CFAP47: variants seen among roughly 807,000 people sequenced by gnomAD.
CFAP47 encodes cilia and flagella associated protein 47, also known as cilia- and flagella-associated protein 47.
A neutral mutation model predicts 148.1 loss-of-function variants in CFAP47; 29 were observed. The ratio of observed to expected loss-of-function variants is 0.20; its 90% CI spans 0.15 to 0.27. CFAP47 has a LOEUF of 0.27. CFAP47 is among the 10% of genes least tolerant of loss of function. The pLI, the probability that CFAP47 is intolerant of heterozygous loss-of-function variation, is 1.00. For synonymous variants in CFAP47, 664 were observed against 577.3 expected (o/e 1.15, Z -2.15); for missense variants, 1,872 against 1,697.5 (o/e 1.10, Z -1.81).
chrX:36,027,151 TG>T, intron 22 of CFAP47, among the ~76,000 whole-genome samples: 2 of 99,166 alleles, frequency 2.0e-5, no homozygotes, highest in African/African-American at 7.6e-5. Flanking sequence ...ATTATATATA[TG>T]ATTATATATA....
chrX:35,975,632 CTA>C (rs1936558324), intron 14 of CFAP47, 38 bp from the exon 15 acceptor site: 3 of 1,188,524 alleles, frequency 2.5e-6, no homozygotes, highest in Non-Finnish European at 2.3e-6. Flanking sequence ...TCACAAATAA[CTA>C]TTATCAGTTA....
Position 36,310,026 on chromosome X carries a change from CTT to C in CFAP47, c.8188-803_8188-802del, listed in dbSNP as rs1475821158. Among the ~76,000 whole-genome samples, 3 of 110,531 alleles carry C rather than the reference CTT, an allele frequency of 2.7e-5. No individual in the cohort carries two copies. The Admixed American group carries it at 2.9e-4, about 11-fold the overall frequency. On this transcript the variant is annotated intron_variant, in intron 55 of 63. Transcript: ENST00000378653. Reference sequence around the variant, plus strand: ...AAGTAATCTTCAAGCAAGTTTCCCTCTTTTTATCAGAATTTAAGCTTGGAAAC... The same window carrying C: ...AAGTAATCTTCAAGCAAGTTTCCCTCTTTATCAGAATTTAAGCTTGGAAAC...
chrX:35,923,772 A>G (rs900612714), intron 1 of CFAP47, among the ~76,000 whole-genome samples: 1 of 107,242 alleles, frequency 9.3e-6, no homozygotes, highest in Non-Finnish European at 1.9e-5. Context: ...GTGAGCTGAG[A>G]TTGCACCACT....
Position 36,040,451 on chromosome X carries a change from CATTT to C in CFAP47, c.4007+1274_4007+1277del, listed in dbSNP as rs757298884. On this transcript the variant is annotated intron_variant, in intron 25 of 63. Transcript: ENST00000378653. ...AACAATATTTGTAACAAGCTTCATT[CATTT>C]AACATGTATAAATTGCACGTTACAA... Among the ~76,000 whole-genome samples the C allele has an allele frequency of 1.2e-4, 13 of 111,628 alleles. No homozygotes were observed. The South Asian group carries it at 4.4e-3, about 38-fold the overall frequency.
chrX:36,330,030 TATC>T (rs1256228894), intron 57 of CFAP47, among the ~76,000 whole-genome samples: 44 of 112,437 alleles, frequency 3.9e-4, no homozygotes, highest in Admixed American at 9.4e-5. Context: ...TGGATAAATC[TATC>T]ATAATATCTT....
rs974547053 is a variant in CFAP47 at position 36,190,155 on chromosome X, A to G, written c.6280A>G (p.Met2094Val). 1 of 296,640 alleles carries G rather than the reference A, an allele frequency of 3.4e-6. No homozygotes were observed. Among genetic ancestry groups the G allele is most frequent in the Non-Finnish European group, 5.9e-6 (1 of 170,031 alleles). 24.4% of individuals were successfully genotyped at this position (296,640 alleles called of 1,213,427 possible). A position where few individuals can be genotyped will look rare whatever the true frequency, so the allele number is the denominator to read the frequency against. ...AGAGCTCCGCTTTCTTCCCTTTAAC[A>G]TGCACGTGCGCTACTGTGTCATCAT... ...SLELRFLPFNMHVRYCVIILS... is the reference protein window; with the variant it reads ...SLELRFLPFNVHVRYCVIILS... The change falls in exon 42 of 64, where the codon ATG becomes GTG. Residue 2094 changes from methionine (M) to valine (V), a missense_variant. By Grantham distance (21) the Met-to-Val change is conservative. Coordinates refer to ENST00000378653, the MANE Select transcript of CFAP47 (RefSeq NM_001304548.2).
In CFAP47 at chrX:36,046,917, T is replaced by C. The variant is rs1441770867; in HGVS notation, c.4071T>C (p.Pro1357=). Residue 1357 remains proline (P), a synonymous_variant, in exon 26 of 64, where the codon CCT becomes CCC. Transcript: ENST00000378653. ...TTCTTGATGGTGAAGAGATTCACCC[T>C]CTTTCTGTGAAATTTCCAAAAGGCA... is the stretch of plus-strand genomic sequence containing the variant. ...VRLLDGEEIH[P]LSVKFPKGRV... 1 of 1,165,059 alleles carries C rather than the reference T, an allele frequency of 8.6e-7. No individual in the cohort carries two copies. Among genetic ancestry groups the C allele is most frequent in the Non-Finnish European group, 1.1e-6 (1 of 871,421 alleles).
chrX:36,116,411 T>A (rs1351795609), intron 33 of CFAP47, among the ~76,000 whole-genome samples: 1 of 112,235 alleles, frequency 8.9e-6, no homozygotes, highest in Non-Finnish European at 1.9e-5. Context: ...TTTTTATTGC[T>A]GGGTGTGGTT....
At chrX:36,200,520 T>C in intron 43 of CFAP47, 27 bp downstream of exon 43, 2 of 295,150 alleles carry the variant, frequency 6.8e-6, no homozygotes, top group Non-Finnish European at 1.2e-5. Flanking sequence ...TTTTATTTCA[T>C]TTATAATGTT....
At chrX:36,343,907 A>C in intron 57 of CFAP47, among the ~76,000 whole-genome samples, 1 of 109,751 alleles carries the variant, frequency 9.1e-6, no homozygotes, top group Non-Finnish European at 1.9e-5. Flanking sequence ...TTTACTGAGA[A>C]TGATGATTTC....
intron 56 of CFAP47, among the ~76,000 whole-genome samples, chrX:36,313,383 A>C (rs1941409478): frequency 9.1e-6 from 1 of 110,104 alleles, no homozygotes; most frequent in Non-Finnish European, 1.9e-5. Flanking sequence ...ACACTTATAA[A>C]ACCATCAGAT....
chrX:36,150,842 G>A (rs1939299388), intron 37 of CFAP47, among the ~76,000 whole-genome samples: 1 of 111,162 alleles, frequency 9.0e-6, no homozygotes, highest in South Asian at 3.7e-4. Flanking sequence ...AAAATTCCTT[G>A]TATAATAAAA....
intron 49 of CFAP47, among the ~76,000 whole-genome samples, chrX:36,261,873 G>C (rs1420324096): frequency 9.0e-6 from 1 of 111,138 alleles, no homozygotes; most frequent in African/African-American, 3.3e-5. Context: ...GCCGGGCAGA[G>C]GGGCGCCTCA....
chrX:36,089,873 G>A (rs758169562), intron 30 of CFAP47, among the ~76,000 whole-genome samples: 1 of 111,838 alleles, frequency 8.9e-6, no homozygotes, highest in East Asian at 2.8e-4. Context: ...TGAATCACGT[G>A]ACATATAGTA....
chrX:36,011,708 A>AACCAGGTAT (rs1168377757), intron 21 of CFAP47, among the ~76,000 whole-genome samples: 6 of 111,910 alleles, frequency 5.4e-5, no homozygotes, highest in Non-Finnish European at 9.4e-5. Context: ...TTTCATCAAA[A>AACCAGGTAT]ACCAGGTATC....
intron 23 of CFAP47, among the ~76,000 whole-genome samples, chrX:36,033,023 C>T (rs1937298427): frequency 8.9e-6 from 1 of 111,761 alleles, no homozygotes; most frequent in Non-Finnish European, 1.9e-5. Flanking sequence ...GAAATGGGCT[C>T]TTCCCTAGAG....
At chrX:36,049,520 A>C (rs1339018338) in intron 26 of CFAP47, among the ~76,000 whole-genome samples, 2 of 109,620 alleles carry the variant, frequency 1.8e-5, no homozygotes, top group African/African-American at 6.7e-5. Context: ...ACACACACAC[A>C]CACACACTAG....
chrX:36,321,537 A>G (rs1411102288), intron 57 of CFAP47, among the ~76,000 whole-genome samples: 6 of 112,009 alleles, frequency 5.4e-5, no homozygotes, highest in African/African-American at 1.6e-4. Context: ...TAATTGGACT[A>G]TTTGTAACAC....
At chrX:36,171,308 C>G (rs1391491757) in intron 39 of CFAP47, among the ~76,000 whole-genome samples, 1 of 110,309 alleles carries the variant, frequency 9.1e-6, no homozygotes, top group South Asian at 3.8e-4. Context: ...TTAATTAGAT[C>G]CCATTTGTCA....
Sources: gnomAD v4.1 joint callset for allele counts (sites outside exome capture counted in the v4.1 genomes callset) on GRCh38, gnomAD v4.1.1 for gene constraint, MANE v1.5 for transcripts, NCBI Gene and HGNC (gene_info 2026-07-23, HGNC 2026-07-21) for gene names.